The following MACROD2 variants were observed in gnomAD, a reference collection of about 807,000 sequenced individuals.
MACROD2 encodes the protein mono-ADP ribosylhydrolase 2.
In MACROD2, 36 loss-of-function variants were observed where a neutral mutation model predicts 70.4. The ratio of observed to expected loss-of-function variants is 0.51; its 90% confidence interval spans 0.39 to 0.68. The LOEUF is 0.68. Ranked by LOEUF, MACROD2 falls within the 30% of genes least tolerant of loss-of-function variation. MACROD2 has a pLI of 0.00. For missense variants in MACROD2, 496 were observed against 538.4 expected (o/e 0.92, Z 0.78); for synonymous variants, 172 against 178.8 (o/e 0.96, Z 0.30).
At chr20:14,697,726 A>T (rs1289525076) in intron 5 of MACROD2, among the ~76,000 whole-genome samples, 2 of 152,148 alleles carry the variant, frequency 1.3e-5, no homozygotes, top group African/African-American at 4.8e-5. Flanking sequence ...TTTATTGTTC[A>T]TCATGGTAAT....
At position 14,996,842 on chromosome 20, in the gene MACROD2, G is replaced by A. The variant is rs138022367; in HGVS notation, c.419-233098G>A. Among the ~76,000 whole-genome samples, 815 of 152,092 alleles carry A rather than the reference G, an allele frequency of 5.4e-3. 3 individuals are homozygous for A. The highest frequency in any genetic ancestry group is 8.3e-3 in the Admixed American group (127 of 15,214). The stretch of plus-strand genomic sequence containing the variant: ...AAAGGGGAACCGTCCACACCAGCAG[G>A]CGGGTTTGAGCTAGCTCCACCACTA... On this transcript the variant is annotated intron_variant, in intron 5 of 17. Transcript: ENST00000684519.
intron 5 of MACROD2, among the ~76,000 whole-genome samples, chr20:14,862,330 A>AATATATATTAATATATAAAAAT (rs2073351969): frequency 4.0e-5 from 1 of 25,180 alleles, no homozygotes; most frequent in Non-Finnish European, 6.7e-5. Context: ...TATATATAAA[A>AATATATATTAATATATAAAAAT]ATATATATTA....
At position 15,336,318 on chromosome 20, in the gene MACROD2, C is replaced by A. The variant is rs542861998; in HGVS notation, c.541-95087C>A. Among the ~76,000 whole-genome samples, 15 of 141,130 alleles carry A rather than the reference C, an allele frequency of 1.1e-4. No homozygotes were observed. The South Asian group carries it at 2.0e-3, about 19-fold the overall frequency. 92.6% of individuals were successfully genotyped at this position (141,130 alleles called of 152,430 possible). A position where few individuals can be genotyped will look rare whatever the true frequency, so the allele number is the denominator to read the frequency against. ...GATGGTATGATTAGAAGTAAGAAGA[C>A]AATTTTGGCTTAACTAAGAGAAAAT... On this transcript the variant is annotated intron_variant, in intron 6 of 17. Transcript: ENST00000684519.
At chr20:15,910,728 A>G (rs1468433862) in intron 10 of MACROD2, among the ~76,000 whole-genome samples, 1 of 152,130 alleles carries the variant, frequency 6.6e-6, no homozygotes, top group African/African-American at 2.4e-5. Context: ...AATTTAAAAA[A>G]CTCCCAAGGT....
At chr20:14,175,102 G>C (rs745899077) in intron 3 of MACROD2, among the ~76,000 whole-genome samples, 6 of 152,058 alleles carry the variant, frequency 3.9e-5, no homozygotes, top group African/African-American at 7.2e-5. Flanking sequence ...TGGTTTTCCT[G>C]GTATGTTCCT....
intron 5 of MACROD2, among the ~76,000 whole-genome samples, chr20:14,861,490 G>A (rs1202864574): frequency 1.3e-5 from 2 of 152,000 alleles, no homozygotes; most frequent in Non-Finnish European, 2.9e-5. Context: ...GAAATACCCT[G>A]ACCTTCCTCT....
intron 9 of MACROD2, among the ~76,000 whole-genome samples, chr20:15,866,427 T>C (rs553505033): frequency 1.3e-5 from 2 of 151,068 alleles, no homozygotes; most frequent in Admixed American, 6.6e-5. Flanking sequence ...TAAATAAATA[T>C]TGTAGAGATT....
At chr20:14,280,231 AAG>A (rs1197896556) in intron 3 of MACROD2, among the ~76,000 whole-genome samples, 2 of 152,152 alleles carry the variant, frequency 1.3e-5, no homozygotes, top group Non-Finnish European at 2.9e-5. Context: ...AGAAATCAAG[AAG>A]TACATATATA....
At chr20:15,633,659 C>A (rs2049323775) in intron 8 of MACROD2, among the ~76,000 whole-genome samples, 1 of 151,938 alleles carries the variant, frequency 6.6e-6, no homozygotes, top group Non-Finnish European at 1.5e-5. Flanking sequence ...TAATAATCAA[C>A]ACATTATTTT....
intron 8 of MACROD2, among the ~76,000 whole-genome samples, chr20:15,514,950 C>G (rs2047547261): frequency 6.6e-6 from 1 of 152,216 alleles, no homozygotes; most frequent in African/African-American, 2.4e-5. Context: ...ATGAATCTCA[C>G]TACAGTCTAA....
At chr20:14,757,645 G>A in intron 5 of MACROD2, 2 of 1,237,406 alleles carry the variant, frequency 1.6e-6, no homozygotes, top group Non-Finnish European at 2.4e-6. Context: ...ACATCCACAT[G>A]CCTAAGCACC....
At chr20:14,831,691 A>G in intron 5 of MACROD2, among the ~76,000 whole-genome samples, 1 of 144,222 alleles carries the variant, frequency 6.9e-6, no homozygotes, top group African/African-American at 2.5e-5. Context: ...GAGGCAGGAG[A>G]ATCGCTTGAA....
intron 3 of MACROD2, among the ~76,000 whole-genome samples, chr20:14,365,118 G>C (rs2083259863): frequency 6.6e-6 from 1 of 152,000 alleles, no homozygotes; most frequent in African/African-American, 2.4e-5. Flanking sequence ...TTTGATGGGT[G>C]GTTTTTGATT....
At chr20:14,256,575 C>T (rs1346034573) in intron 3 of MACROD2, among the ~76,000 whole-genome samples, 2 of 152,216 alleles carry the variant, frequency 1.3e-5, no homozygotes, top group East Asian at 3.9e-4. Context: ...TCCATGATTA[C>T]CTTAATGCCA....
At chr20:14,484,813 T>C (rs924830328) in intron 3 of MACROD2, among the ~76,000 whole-genome samples, 1 of 152,234 alleles carries the variant, frequency 6.6e-6, no homozygotes, top group Non-Finnish European at 1.5e-5. Flanking sequence ...TGTGTAGCTG[T>C]ACCATGTTTT....
chr20:14,149,267 C>G lies in MACROD2; in HGVS notation c.271+63539C>G, dbSNP rs138385531. Reference sequence around the variant, plus strand: ...ACATGGAGTATTTGGCTTTCTGTTCCTATGTTAATTCGCTTAGGATAATGG... The same window carrying G: ...ACATGGAGTATTTGGCTTTCTGTTCGTATGTTAATTCGCTTAGGATAATGG... On this transcript the variant is annotated intron_variant, in intron 3 of 17. Coordinates refer to ENST00000684519, the MANE Select transcript of MACROD2 (RefSeq NM_001351661.2). Among the ~76,000 whole-genome samples the G allele has an allele frequency of 5.0e-3, 752 of 151,772 alleles. 3 individuals carry two copies. The highest frequency in any genetic ancestry group is 0.017 in the African/African-American group (708 of 41,394).
At chr20:15,024,592 A>G (rs1035924466) in intron 5 of MACROD2, among the ~76,000 whole-genome samples, 6 of 152,108 alleles carry the variant, frequency 3.9e-5, no homozygotes, top group African/African-American at 7.2e-5. Flanking sequence ...GTGATACTCT[A>G]TATTGCATTT....
intron 8 of MACROD2, among the ~76,000 whole-genome samples, chr20:15,715,732 A>G (rs567311140): frequency 6.6e-6 from 1 of 152,182 alleles, no homozygotes; most frequent in African/African-American, 2.4e-5. Context: ...GTCTTAATTA[A>G]ATAATGCTGA....
intron 12 of MACROD2, among the ~76,000 whole-genome samples, chr20:15,939,278 A>G (rs1357088164): frequency 6.6e-6 from 1 of 152,136 alleles, no homozygotes; most frequent in Non-Finnish European, 1.5e-5. Context: ...TAGAGAGGAG[A>G]AGTCAATGCC....
Sources: gnomAD v4.1 joint callset for allele counts (sites outside exome capture counted in the v4.1 genomes callset) on GRCh38, gnomAD v4.1.1 for gene constraint, MANE v1.5 for transcripts, NCBI Gene and HGNC (gene_info 2026-07-23, HGNC 2026-07-21) for gene names.